DAB1: variants seen among roughly 807,000 people sequenced by gnomAD.
DAB1 encodes DAB adaptor protein 1.
In DAB1, 15 loss-of-function variants were observed where a neutral mutation model predicts 64.6. That is an observed-to-expected ratio of 0.23 (90% confidence interval 0.16 to 0.36). The LOEUF (loss-of-function observed/expected upper bound fraction) is 0.36. Ranked by LOEUF, DAB1 falls within the 10% of genes least tolerant of loss-of-function variation. The pLI, the probability that DAB1 is intolerant of heterozygous loss-of-function variation, is 1.00. For missense variants in DAB1, 596 were observed against 706.7 expected (o/e 0.84, Z 1.78); for synonymous variants, 235 against 251.9 (o/e 0.93, Z 0.64).
intron 4 of DAB1, among the ~76,000 whole-genome samples, chr1:57,092,361 T>C (rs1199879811): frequency 6.6e-6 from 1 of 151,868 alleles, no homozygotes; most frequent in African/African-American, 2.4e-5. Context: ...TAAATCCCCA[T>C]GTGTTGAGGG....
chr1:57,426,859 A>AATATATATATATATATATATATAT (rs998763894), upstream of DAB1, among the ~76,000 whole-genome samples: 8 of 122,792 alleles, frequency 6.5e-5, no homozygotes, highest in Non-Finnish European at 1.3e-4. Context: ...TAAATGAGAT[A>AATATATATATATATATATATATAT]ATATATATAT....
chr1:57,023,783 T>C (rs961384706), intron 10 of DAB1, 144 bp from the exon 11 acceptor site: 1 of 630,290 alleles, frequency 1.6e-6, no homozygotes, highest in Non-Finnish European at 2.9e-6. Context: ...CATGTGCTGG[T>C]TACATACACT....
intron 4 of DAB1, among the ~76,000 whole-genome samples, chr1:57,135,599 T>C (rs975846907): frequency 5.9e-5 from 9 of 152,222 alleles, no homozygotes; most frequent in African/African-American, 2.2e-4. Context: ...ACTAGTTATT[T>C]AGGAGTAATT....
At chr1:58,533,622 C>A (rs1646470772) in intron 1 of DAB1, among the ~76,000 whole-genome samples, 2 of 152,100 alleles carry the variant, frequency 1.3e-5, no homozygotes, top group African/African-American at 4.8e-5. Flanking sequence ...AATTAATTTT[C>A]TGACTAGATT....
chr1:57,445,951 A>G (rs1686121129), intron 7 of DAB1, among the ~76,000 whole-genome samples: 1 of 152,208 alleles, frequency 6.6e-6, no homozygotes, highest in African/African-American at 2.4e-5. Context: ...CAAAAGGAGT[A>G]TTCTGAATCA....
chr1:57,966,167 A>G (rs1365528587), intron 5 of DAB1, among the ~76,000 whole-genome samples: 4 of 152,170 alleles, frequency 2.6e-5, no homozygotes, highest in Non-Finnish European at 4.4e-5. Context: ...GAACTGTACT[A>G]CTTTTAATAT....
intron 2 of DAB1, among the ~76,000 whole-genome samples, chr1:57,219,313 A>C (rs1345440598): frequency 6.6e-6 from 1 of 152,022 alleles, no homozygotes; most frequent in Non-Finnish European, 1.5e-5. Flanking sequence ...TCCAGAAGGA[A>C]AATCTCAGAA....
intron 7 of DAB1, among the ~76,000 whole-genome samples, chr1:57,462,379 A>T (rs796636056): frequency 7.2e-5 from 11 of 152,336 alleles, no homozygotes; most frequent in African/African-American, 2.6e-4. Context: ...TCCATAAAAA[A>T]TATTGAAAGA....
intron 6 of DAB1, among the ~76,000 whole-genome samples, chr1:57,740,803 G>A (rs1003498669): frequency 6.6e-6 from 1 of 152,208 alleles, no homozygotes; most frequent in Non-Finnish European, 1.5e-5. Context: ...AACTGGCAGA[G>A]AAGTAAGAAA....
At chr1:57,184,192 T>C (rs1047787063) in intron 2 of DAB1, among the ~76,000 whole-genome samples, 2 of 152,176 alleles carry the variant, frequency 1.3e-5, no homozygotes, top group African/African-American at 4.8e-5. Context: ...CTAAAGAAGC[T>C]AGTACCCTCC....
At chr1:57,422,826 G>GC (rs746285106) in intron 1 of DAB1, among the ~76,000 whole-genome samples, 5 of 152,122 alleles carry the variant, frequency 3.3e-5, no homozygotes, top group Admixed American at 2.6e-4. Context: ...TGTGCCCACT[G>GC]CCCCCCATCA....
At chr1:58,307,614 A>G (rs12076949) in intron 4 of DAB1, among the ~76,000 whole-genome samples, 67,171 of 152,000 alleles carry the variant, frequency 0.44, 15,326 homozygotes, top group Middle Eastern at 0.57. Context: ...ATCCAGCTGT[A>G]GTCCCTGTCT....
At chr1:57,549,903 T>A (rs534606998) in intron 7 of DAB1, among the ~76,000 whole-genome samples, 19 of 152,278 alleles carry the variant, frequency 1.2e-4, no homozygotes, top group Non-Finnish European at 1.8e-4. Flanking sequence ...CAAAAACCAG[T>A]AAGAGTTCTA....
At chr1:57,772,066 G>A (rs1649588264) in intron 6 of DAB1, among the ~76,000 whole-genome samples, 2 of 152,144 alleles carry the variant, frequency 1.3e-5, no homozygotes, top group South Asian at 4.1e-4. Context: ...GTGCAACACT[G>A]TTAAGAAGTG....
At position 57,450,647 on chromosome 1, in the gene DAB1, C is replaced by T. The variant is rs74576499; in HGVS notation, n.626-159481G>A. 5.3e-5 allele frequency among the ~76,000 whole-genome samples: 8 copies of T among 152,272 alleles called. No individual in the cohort carries two copies. The East Asian group carries it at 9.6e-4, about 18-fold the overall frequency. ...CACTTTTATACCATCATGGACATCTCGAATTATCTTCAAAACATGAATAAA... is the reference window on the plus strand; with the variant it reads ...CACTTTTATACCATCATGGACATCTTGAATTATCTTCAAAACATGAATAAA... On this transcript the variant is annotated intron_variant and non_coding_transcript_variant, in intron 7 of 20. Coordinates refer to the DAB1 transcript ENST00000485760.
intron 2 of DAB1, among the ~76,000 whole-genome samples, chr1:57,183,897 G>T (rs1663246993): frequency 6.6e-6 from 1 of 152,156 alleles, no homozygotes; most frequent in African/African-American, 2.4e-5. Context: ...AATCATGGAA[G>T]TTTTCTGGAG....
chr1:57,109,108 A>G (rs543794713), intron 4 of DAB1, among the ~76,000 whole-genome samples: 27 of 152,234 alleles, frequency 1.8e-4, no homozygotes, highest in African/African-American at 5.3e-4. Context: ...GATCTTTCTG[A>G]TGGACTGAAA....
intron 3 of DAB1, among the ~76,000 whole-genome samples, chr1:58,367,898 G>C (rs1644231103): frequency 6.6e-6 from 1 of 152,198 alleles, no homozygotes; most frequent in South Asian, 2.1e-4. Flanking sequence ...CACAACTAAA[G>C]CACCAGGTTG....
chr1:57,309,718 A>G (rs979605084), intron 1 of DAB1, among the ~76,000 whole-genome samples: 5 of 144,014 alleles, frequency 3.5e-5, no homozygotes, highest in African/African-American at 1.5e-4. Flanking sequence ...CTCAGAGATG[A>G]AAAAAAAATT....
Sources: allele counts gnomAD v4.1 joint callset (sites outside exome capture counted in the v4.1 genomes callset), GRCh38; gene constraint gnomAD v4.1.1; transcripts MANE v1.5; gene names NCBI Gene and HGNC (gene_info 2026-07-23, HGNC 2026-07-21).